The following ST8SIA6 variants were observed in gnomAD, a reference collection of about 807,000 sequenced individuals.
The protein encoded by ST8SIA6 is ST8 alpha-N-acetyl-neuraminide alpha-2,8-sialyltransferase 6.
ST8SIA6 carries 39 observed loss-of-function variants against 33.6 expected under a neutral mutation model. The ratio of observed to expected loss-of-function variants is 1.16; its 90% confidence interval spans 0.90 to 1.52. The LOEUF (loss-of-function observed/expected upper bound fraction) is 1.52. Ranked by LOEUF, ST8SIA6 falls within the 40% of genes most tolerant of loss-of-function variation. ST8SIA6 has a pLI of 0.00. For missense variants in ST8SIA6, 441 were observed against 443.8 expected (o/e 0.99, Z 0.06); for synonymous variants, 172 against 167.2 (o/e 1.03, Z -0.22).
intron 2 of ST8SIA6, among the ~76,000 whole-genome samples, chr10:17,417,294 T>C (rs1190797081): frequency 6.6e-6 from 1 of 152,132 alleles, no homozygotes. Flanking sequence ...GGCCCACTTC[T>C]AACACTGAAG....
chr10:17,395,695 C>T (rs1232796463), intron 2 of ST8SIA6, among the ~76,000 whole-genome samples: 1 of 152,046 alleles, frequency 6.6e-6, no homozygotes, highest in Non-Finnish European at 1.5e-5. Flanking sequence ...CCAGCCTGAC[C>T]AACATGGAGA....
chr10:17,345,880 T>C (rs1161312546), intron 4 of ST8SIA6, among the ~76,000 whole-genome samples: 1 of 152,148 alleles, frequency 6.6e-6, no homozygotes, highest in Non-Finnish European at 1.5e-5. Context: ...GTGGCCACCA[T>C]CAACTCTTTC....
At chr10:17,324,591 T>G (rs2131576956) in intron 6 of ST8SIA6, among the ~76,000 whole-genome samples, 1 of 151,796 alleles carries the variant, frequency 6.6e-6, no homozygotes, top group Non-Finnish European at 1.5e-5. Context: ...ACAATAAGTT[T>G]TGGCTTAAAA....
intron 2 of ST8SIA6, among the ~76,000 whole-genome samples, chr10:17,452,949 G>C (rs545312525): frequency 6.6e-6 from 1 of 152,096 alleles, no homozygotes; most frequent in East Asian, 1.9e-4. Flanking sequence ...TGGTCTCTGA[G>C]AGGTAAGGAC....
chr10:17,444,525 C>G (rs1852628910), intron 2 of ST8SIA6, among the ~76,000 whole-genome samples: 1 of 152,176 alleles, frequency 6.6e-6, no homozygotes, highest in Non-Finnish European at 1.5e-5. Context: ...AAGGCAATAG[C>G]AGGGCATTTC....
intron 3 of ST8SIA6, among the ~76,000 whole-genome samples, chr10:17,386,285 T>C (rs384165): frequency 3.3e-5 from 5 of 149,650 alleles, no homozygotes; most frequent in South Asian, 4.4e-4. Context: ...AGGTCAGGAG[T>C]TCGATCACAA....
At chr10:17,434,793 A>G (rs142122153) in intron 2 of ST8SIA6, among the ~76,000 whole-genome samples, 86 of 152,304 alleles carry the variant, frequency 5.6e-4, no homozygotes, top group Non-Finnish European at 7.2e-4. Flanking sequence ...CAACTTGGGT[A>G]AAGTAAATAA....
chr10:17,370,151 T>C (rs549739692), intron 3 of ST8SIA6, among the ~76,000 whole-genome samples: 2 of 152,104 alleles, frequency 1.3e-5, no homozygotes, highest in Admixed American at 6.6e-5. Flanking sequence ...TGGCTAATTT[T>C]TTTTTGTATT....
intron 2 of ST8SIA6, among the ~76,000 whole-genome samples, chr10:17,440,207 ATT>A (rs199531697): frequency 0.037 from 5,048 of 135,742 alleles, 176 homozygotes; most frequent in African/African-American, 0.086. Context: ...TCTCAAATGT[ATT>A]TTTTTTTTTT....
chr10:17,441,345 G>A (rs922290529), intron 2 of ST8SIA6, among the ~76,000 whole-genome samples: 3 of 108,750 alleles, frequency 2.8e-5, no homozygotes, highest in Non-Finnish European at 5.1e-5. Flanking sequence ...ACGGAGTCTC[G>A]CTCGTTTCCC....
At chr10:17,448,517 A>G (rs1852796534) in intron 2 of ST8SIA6, among the ~76,000 whole-genome samples, 1 of 152,050 alleles carries the variant, frequency 6.6e-6, no homozygotes, top group Non-Finnish European at 1.5e-5. Flanking sequence ...CGTTTCATTA[A>G]TCTCCCAATA....
At chr10:17,403,489 A>C (rs1851127846) in intron 2 of ST8SIA6, 1 of 152,168 alleles carries the variant, frequency 6.6e-6, no homozygotes, top group African/African-American at 2.4e-5. Flanking sequence ...CCGACTTCCA[A>C]CGATATTCTC....
At chr10:17,370,497 C>T (rs957014921) in intron 3 of ST8SIA6, among the ~76,000 whole-genome samples, 2 of 151,914 alleles carry the variant, frequency 1.3e-5, no homozygotes, top group African/African-American at 4.8e-5. Flanking sequence ...TAACTATTTT[C>T]AATGTGGTTG....
intron 2 of ST8SIA6, among the ~76,000 whole-genome samples, chr10:17,424,738 ATTTT>A (rs779491848): frequency 7.1e-6 from 1 of 140,942 alleles, no homozygotes; most frequent in Non-Finnish European, 1.6e-5. Context: ...AACATCATAA[ATTTT>A]TTTTTTTTTT....
intron 3 of ST8SIA6, among the ~76,000 whole-genome samples, chr10:17,362,654 T>A (rs1438569451): frequency 6.6e-6 from 1 of 152,168 alleles, no homozygotes; most frequent in Non-Finnish European, 1.5e-5. Flanking sequence ...ACTGACCTTT[T>A]CTAGCCCAGC....
intron 2 of ST8SIA6, among the ~76,000 whole-genome samples, chr10:17,416,424 A>T (rs1209734788): frequency 6.6e-6 from 1 of 152,104 alleles, no homozygotes; most frequent in Non-Finnish European, 1.5e-5. Context: ...TGAGCTCCAG[A>T]CTCATTTATA....
intron 3 of ST8SIA6, 50 bp downstream of exon 3, chr10:17,390,481 A>T (rs556592180): frequency 8.8e-6 from 13 of 1,473,910 alleles, no homozygotes; most frequent in Non-Finnish European, 1.2e-5. Flanking sequence ...ACATTCTGAA[A>T]ATAAAACCCT....
chr10:17,354,267 A>G (rs546962813), intron 4 of ST8SIA6, among the ~76,000 whole-genome samples: 3 of 152,316 alleles, frequency 2.0e-5, no homozygotes, highest in African/African-American at 7.2e-5. Context: ...ATTCTCAAAT[A>G]GCTGAGTGTC....
intron 4 of ST8SIA6, among the ~76,000 whole-genome samples, chr10:17,346,959 G>A (rs958816772): frequency 2.0e-5 from 3 of 152,194 alleles, no homozygotes; most frequent in Non-Finnish European, 4.4e-5. Flanking sequence ...GGGTAAGCCT[G>A]CAGGTTGGAC....
Sources: gnomAD v4.1 joint callset for allele counts (sites outside exome capture counted in the v4.1 genomes callset) on GRCh38, gnomAD v4.1.1 for gene constraint, MANE v1.5 for transcripts, NCBI Gene and HGNC (gene_info 2026-07-23, HGNC 2026-07-21) for gene names.